The following PLA2G6 variants were observed in gnomAD, a reference collection of about 807,000 sequenced individuals.
PLA2G6 encodes the protein 85/88 kDa calcium-independent phospholipase A2.
A neutral mutation model predicts 83.8 loss-of-function variants in PLA2G6; 62 were observed. That is an observed-to-expected ratio of 0.74 (90% CI 0.60 to 0.91). PLA2G6 has a LOEUF of 0.91. Among genes scored for constraint, PLA2G6 ranks in the 40% least tolerant of loss-of-function variants. The pLI is 0.00. For missense variants in PLA2G6, 944 were observed against 1,102.0 expected (o/e 0.86, Z 2.03); for synonymous variants, 417 against 449.8 (o/e 0.93, Z 0.92).
rs133028 is a variant in PLA2G6, at chr22:38,180,140, GACACACACACACAC to G, written c.-46+1510_-46+1523del. Among the ~76,000 whole-genome samples, 479 of 137,914 alleles carry G rather than the reference GACACACACACACAC, an allele frequency of 3.5e-3. 7 individuals are homozygous for G. Among genetic ancestry groups the G allele is most frequent in the East Asian group, 0.021 (97 of 4,684 alleles). 90.5% of individuals were successfully genotyped at this position (137,914 alleles called of 152,430 possible). Reference sequence around the variant, plus strand: ...CACACACACCCAATAGATGTCTGCAGACACACACACACACACACACACACACACACACACACACA... The same window carrying G: ...CACACACACCCAATAGATGTCTGCAGACACACACACACACACACACACACA... On this transcript the variant is annotated intron_variant, in intron 1 of 16. Transcript: ENST00000332509.
rs2088807783 is a variant in PLA2G6, at chr22:38,140,061, G to A, written c.718C>T (p.Leu240=). The A allele has an allele frequency of 2.7e-5, 43 of 1,613,906 alleles. No homozygotes were observed. Among genetic ancestry groups the A allele is most frequent in the Non-Finnish European group, 3.6e-5 (43 of 1,179,942 alleles). Residue 240 remains leucine (L), a synonymous_variant, in exon 5 of 17, where the codon CTG becomes TTG. Coordinates refer to ENST00000332509, the MANE Select transcript of PLA2G6 (RefSeq NM_003560.4). ...LGKQEMVRVL[L]LCNARCNIMG... Reference sequence around the variant, plus strand: ...ATGTTGCACCGAGCATTGCACAGCAGCAGCACGCGGACCATCTCCTGCTTC... The same window carrying A: ...ATGTTGCACCGAGCATTGCACAGCAACAGCACGCGGACCATCTCCTGCTTC...
At chr22:38,175,104 G>A (rs1308629687) in intron 1 of PLA2G6, among the ~76,000 whole-genome samples, 1 of 152,138 alleles carries the variant, frequency 6.6e-6, no homozygotes, top group African/African-American at 2.4e-5. Flanking sequence ...GCAGCTGCCA[G>A]GCCCAGGCAG....
chr22:38,176,875 T>C (rs1270079476), intron 1 of PLA2G6, among the ~76,000 whole-genome samples: 1 of 151,904 alleles, frequency 6.6e-6, no homozygotes, highest in Non-Finnish European at 1.5e-5. Context: ...AAACCCCATC[T>C]CTACTAAAAC....
At chr22:38,124,168 G>T (rs2087695234) in intron 10 of PLA2G6, among the ~76,000 whole-genome samples, 1 of 151,878 alleles carries the variant, frequency 6.6e-6, no homozygotes, top group Non-Finnish European at 1.5e-5. Context: ...TAGAGACAGG[G>T]TCTCACTCTG....
At chr22:38,160,010 C>T (rs1342750217) in intron 2 of PLA2G6, among the ~76,000 whole-genome samples, 2 of 152,034 alleles carry the variant, frequency 1.3e-5, no homozygotes, top group Admixed American at 6.6e-5. Context: ...TGCACATGTA[C>T]CAAAAAACTC....
intron 9 of PLA2G6, chr22:38,126,947 A>G: frequency 2.0e-6 from 2 of 1,005,906 alleles, no homozygotes; most frequent in Non-Finnish European, 2.5e-6. Flanking sequence ...AAGTCCATGG[A>G]TGAAAGGAGA....
chr22:38,112,238 G>C lies in PLA2G6; in HGVS notation c.2344C>G (p.Leu782Val). ...EVSDTVLVNALWETEVYIYEH... is the reference protein window; with the variant it reads ...EVSDTVLVNAVWETEVYIYEH... ...TAGATGTAGACCTCGGTCTCCCAGAGGGCGTTGACCAGCACTGTGTCACTG... is the reference window on the plus strand; with the variant it reads ...TAGATGTAGACCTCGGTCTCCCAGACGGCGTTGACCAGCACTGTGTCACTG... Residue 782 changes from leucine (L) to valine (V), a missense_variant, in exon 17 of 17, where the codon CTC (leucine) becomes GTC (valine). Coordinates refer to ENST00000332509, the MANE Select transcript of PLA2G6 (RefSeq NM_003560.4). 6.2e-7 allele frequency: 1 copy of C among 1,612,892 alleles called. No individual in the cohort carries two copies. Among genetic ancestry groups the C allele is most frequent in the African/African-American group, 1.3e-5 (1 of 74,884 alleles).
At chr22:38,145,857 T>A (rs536865513) in intron 2 of PLA2G6, 2 of 578,708 alleles carry the variant, frequency 3.5e-6, no homozygotes, top group Non-Finnish European at 6.2e-6. Context: ...GTAAATGACA[T>A]AATGGCGTTT....
intron 14 of PLA2G6, among the ~76,000 whole-genome samples, 162 bp downstream of exon 14, chr22:38,115,365 G>C (rs2087125504): frequency 6.6e-6 from 1 of 152,218 alleles, no homozygotes; most frequent in Non-Finnish European, 1.5e-5. Context: ...CCCACCCATG[G>C]AACAGGTTCC....
chr22:38,177,351 T>C (rs2090675343), intron 1 of PLA2G6, among the ~76,000 whole-genome samples: 1 of 152,048 alleles, frequency 6.6e-6, no homozygotes, highest in Admixed American at 6.6e-5. Flanking sequence ...TTTCCTAAGT[T>C]AGTGGGAAAG....
Position 38,169,389 on chromosome 22 carries a change from C to T in PLA2G6, c.38G>A (p.Gly13Asp), listed in dbSNP as rs759970647. ...TGGGTTAGAGAACAAGTTGGTGACG[C>T]CACTGAAGGTATTGACCAGGCGGCC... ...FFGRLVNTFS[G>D]VTNLFSNPFR... Residue 13 changes from glycine to aspartate, a missense_variant, in exon 2 of 17, where the codon GGC (glycine) becomes GAC (aspartate). Physicochemically the swap from Gly to Asp is moderately conservative, Grantham distance 94. Coordinates refer to ENST00000332509, the MANE Select transcript of PLA2G6 (RefSeq NM_003560.4). 1 of 1,614,236 alleles carries T rather than the reference C, an allele frequency of 6.2e-7. No homozygotes were observed. The highest frequency in any genetic ancestry group is 8.5e-7 in the Non-Finnish European group (1 of 1,180,048).
At chr22:38,118,059 T>G (rs1047036468) in intron 12 of PLA2G6, among the ~76,000 whole-genome samples, 5 of 147,996 alleles carry the variant, frequency 3.4e-5, no homozygotes, top group African/African-American at 7.5e-5. Flanking sequence ...AAGAAAGAAA[T>G]AAGCCAGTCA....
Position 38,128,434 on chromosome 22 carries a change from G to A in PLA2G6, c.1187-4C>T. 1 of 1,614,006 alleles carries A rather than the reference G, an allele frequency of 6.2e-7. No individual in the cohort carries two copies. Among genetic ancestry groups the A allele is most frequent in the Non-Finnish European group, 8.5e-7 (1 of 1,179,960 alleles). Reference sequence around the variant, plus strand: ...AAGATCGCCTTCCTGGTGACAACTTGTCATGGTTTGGGGAAGGGGAGATGG... The same window carrying A: ...AAGATCGCCTTCCTGGTGACAACTTATCATGGTTTGGGGAAGGGGAGATGG... On this transcript the variant is annotated splice_region_variant and splice_polypyrimidine_tract_variant and intron_variant, in intron 8 of 16. Transcript: ENST00000332509. The surrounding 1 kb of genome is among the most constrained non-coding windows in gnomAD (Gnocchi z 4.4).
At chr22:38,159,861 C>T (rs779427578) in intron 2 of PLA2G6, among the ~76,000 whole-genome samples, 9 of 152,062 alleles carry the variant, frequency 5.9e-5, no homozygotes, top group Admixed American at 2.0e-4. Context: ...AAAAGTACAC[C>T]GTAAAGAAGA....
intron 10 of PLA2G6, among the ~76,000 whole-genome samples, chr22:38,125,318 ATGTGTGCGTGTGTGTGTGCG>A (rs984650876): frequency 6.6e-6 from 1 of 151,996 alleles, no homozygotes; most frequent in African/African-American, 2.4e-5. Flanking sequence ...GTGTGCGTGC[ATGTGTGCGTGTGTGTGTGCG>A]TGTGCCCGCG....
intron 1 of PLA2G6, among the ~76,000 whole-genome samples, chr22:38,174,199 A>G (rs142463931): frequency 0.014 from 2,077 of 152,120 alleles, 45 homozygotes; most frequent in African/African-American, 0.047. Flanking sequence ...GATTGAGACC[A>G]TCCTGGCTAA....
chr22:38,158,022 C>T (rs577815058), intron 2 of PLA2G6, among the ~76,000 whole-genome samples: 2 of 151,576 alleles, frequency 1.3e-5, no homozygotes, highest in Admixed American at 6.6e-5. Context: ...GGCAACAGAG[C>T]GACACCCCAT....
intron 11 of PLA2G6, among the ~76,000 whole-genome samples, chr22:38,122,130 G>A (rs2087561918): frequency 6.6e-6 from 1 of 152,116 alleles, no homozygotes; most frequent in Non-Finnish European, 1.5e-5. Flanking sequence ...CCTGAGGCTG[G>A]GGTATGCCTG....
intron 10 of PLA2G6, among the ~76,000 whole-genome samples, chr22:38,125,962 G>A (rs2145735488): frequency 6.6e-6 from 1 of 152,318 alleles, no homozygotes; most frequent in Admixed American, 6.5e-5. Context: ...AGCAGGTGCT[G>A]GGGAAGGCAG....
Sources: allele counts gnomAD v4.1 joint callset (sites outside exome capture counted in the v4.1 genomes callset), GRCh38; gene constraint gnomAD v4.1.1; non-coding constraint Gnocchi (gnomAD v3.1); transcripts MANE v1.5; gene names NCBI Gene and HGNC (gene_info 2026-07-23, HGNC 2026-07-21).